AMZ1: variants seen among roughly 807,000 people sequenced by gnomAD.
AMZ1 encodes the protein archaemetzincin-1.
A neutral mutation model predicts 29.9 loss-of-function variants in AMZ1; 39 were observed. The observed-to-expected ratio is 1.30, with a 90% CI of 1.01 to 1.70. The LOEUF is 1.70. Among genes scored for constraint, AMZ1 ranks in the 40% most tolerant of loss-of-function variants. The pLI is 0.00. For synonymous variants in AMZ1, 458 were observed against 304.0 expected, an observed-to-expected ratio of 1.51 and a Z score of -5.27; for missense variants, 1,041 against 680.6, an observed-to-expected ratio of 1.53 and a Z score of -5.89.
chr7:2,762,862 A>G (rs1051532291), upstream of AMZ1: 4 of 1,460,456 alleles, frequency 2.7e-6, no homozygotes, highest in Admixed American at 2.5e-5. Flanking sequence ...GGAGAGGGCC[A>G]GCTCCGAGCC....
rs1788583817 is a variant in AMZ1, at chr7:2,709,215, A to G, written c.742A>G (p.Ser248Gly). 2 of 1,510,932 alleles carry G rather than the reference A, an allele frequency of 1.3e-6. No individual in the cohort carries two copies. Among genetic ancestry groups the G allele is most frequent in the Non-Finnish European group, 1.8e-6 (2 of 1,131,370 alleles). 93.6% of individuals were successfully genotyped at this position (1,510,932 alleles called of 1,614,324 possible). ...GGACAGGGGCTGGGCCCTGTGCTTC[A>G]GTGCCCTGGGGATGGTTCAGTGCTG... ...LQDRGWALCF[S>G]ALGMVQCCKV... The change falls in exon 5 of 7, where the codon AGT (serine) becomes GGT (glycine). Residue 248 changes from serine (S) to glycine (G), a missense_variant. Physicochemically the swap from Ser to Gly is moderately conservative, Grantham distance 56. Transcript: ENST00000683327.
rs1163513071 is a variant in AMZ1 at position 2,712,386 on chromosome 7, G to A, written c.1005G>A (p.Gly335=). ...VVGTWPSQEA[G]EPSVWEDTPP... is the part of the protein sequence containing the mutation. ...GGACGTGGCCCAGCCAGGAGGCGGG[G>A]GAGCCGTCAGTGTGGGAGGACACCC... The change falls in exon 7 of 7, where the codon GGG becomes GGA. Residue 335 remains glycine, a synonymous_variant. Transcript: ENST00000683327. 8 of 1,609,314 alleles carry A rather than the reference G, an allele frequency of 5.0e-6. No individual in the cohort carries two copies. Among genetic ancestry groups the A allele is most frequent in the Non-Finnish European group, 6.8e-6 (8 of 1,178,166 alleles).
intron 4 of AMZ1, among the ~76,000 whole-genome samples, chr7:2,732,292 C>G (rs911059858): frequency 2.6e-5 from 4 of 152,130 alleles, no homozygotes; most frequent in African/African-American, 9.7e-5. Flanking sequence ...TGGCTCACAC[C>G]TATAATCCTG....
In AMZ1 at chr7:2,710,176, TG is replaced by T. The variant is rs570299993; in HGVS notation, c.948+363del. Among the ~76,000 whole-genome samples, 188 of 151,146 alleles carry T rather than the reference TG, an allele frequency of 1.2e-3. 1 individual carries two copies. Among genetic ancestry groups the T allele is most frequent in the Admixed American group, 0.011 (170 of 15,260 alleles). On this transcript the variant is annotated intron_variant, in intron 6 of 6. Coordinates refer to ENST00000683327, the MANE Select transcript of AMZ1 (RefSeq NM_001384743.1). Reference sequence around the variant, plus strand: ...TCTTTGCTTTCCCGTCACCCACACTTGGGTCACTGCTGCTCAGAGGAGGCAC... The same window carrying T: ...TCTTTGCTTTCCCGTCACCCACACTTGGTCACTGCTGCTCAGAGGAGGCAC...
chr7:2,700,109 C>G, intron 1 of AMZ1, 125 bp from the exon 2 acceptor site: 1 of 308,354 alleles, frequency 3.2e-6, no homozygotes, highest in Admixed American at 4.4e-5. Context: ...CCAGGGCTCC[C>G]TCTGACACCC....
At chr7:2,727,680 C>T (rs1179326460) in intron 4 of AMZ1, among the ~76,000 whole-genome samples, 2 of 152,110 alleles carry the variant, frequency 1.3e-5, no homozygotes, top group Non-Finnish European at 2.9e-5. Context: ...CAATGGTTCT[C>T]CTACATGCCA....
chr7:2,731,862 G>T lies in AMZ1; in HGVS notation n.550+22046G>T. The T allele has an allele frequency of 1.7e-6, 1 of 582,182 alleles. No homozygotes were observed. Among genetic ancestry groups the T allele is most frequent in the Non-Finnish European group, 2.9e-6 (1 of 349,886 alleles). The allele number at this position is 582,182 out of a possible 1,614,324, so 36.1% of individuals were successfully genotyped here. A position where few individuals can be genotyped will look rare whatever the true frequency, so the allele number is the denominator to read the frequency against. On this transcript the variant is annotated intron_variant and non_coding_transcript_variant, in intron 4 of 4. Transcript: ENST00000489665. The surrounding 1 kb of genome is among the most constrained non-coding windows in gnomAD (Gnocchi z 6.0). ...AGGAAAGAGACTGACTTTTGCAACAGGTTGAACCAGAAACCAAAAGCAAAT... is the reference window on the plus strand; with the variant it reads ...AGGAAAGAGACTGACTTTTGCAACATGTTGAACCAGAAACCAAAAGCAAAT...
At chr7:2,727,350 G>C (rs969741507) in intron 4 of AMZ1, among the ~76,000 whole-genome samples, 1 of 152,124 alleles carries the variant, frequency 6.6e-6, no homozygotes. Flanking sequence ...AAAGTGCTGG[G>C]ATTACAGGCA....
chr7:2,758,181 A>G (rs1361146054), intron 4 of AMZ1, among the ~76,000 whole-genome samples: 1 of 152,180 alleles, frequency 6.6e-6, no homozygotes, highest in African/African-American at 2.4e-5. Context: ...ACATCTCCCC[A>G]ACTATCGATG....
upstream of AMZ1, among the ~76,000 whole-genome samples, chr7:2,760,887 A>G (rs798491): frequency 0.24 from 36,698 of 152,062 alleles, 5,130 homozygotes; most frequent in Non-Finnish European, 0.29. Context: ...CCTCACAGCA[A>G]TGTGGCTTCT....
chr7:2,732,645 G>A (rs908870384), intron 4 of AMZ1, among the ~76,000 whole-genome samples: 16 of 152,142 alleles, frequency 1.1e-4, no homozygotes, highest in African/African-American at 3.1e-4. Flanking sequence ...CACCAAACAC[G>A]GACATGATCA....
Position 2,716,395 on chromosome 7 carries a change from G to C in AMZ1, c.*3517G>C, listed in dbSNP as rs1020268639. 6.6e-6 allele frequency: 1 copy of C among 152,270 alleles called. No homozygotes were observed. Among genetic ancestry groups the C allele is most frequent in the African/African-American group, 2.4e-5 (1 of 41,460 alleles). The allele number at this position is 152,270 out of a possible 1,614,324, so 9.4% of individuals were successfully genotyped here. ...GTGAACCCTGAGGGCACGGGACAGTGAGTGGAGCTCTGCCACCACCCGTTT... is the reference window on the plus strand; with the variant it reads ...GTGAACCCTGAGGGCACGGGACAGTCAGTGGAGCTCTGCCACCACCCGTTT... On this transcript the variant is annotated 3_prime_UTR_variant, in exon 7 of 7. Coordinates refer to ENST00000683327, the MANE Select transcript of AMZ1 (RefSeq NM_001384743.1).
At position 2,748,988 on chromosome 7, in the gene AMZ1, G is replaced by A. The variant is rs547139198; in HGVS notation, n.551-15724G>A. Among the ~76,000 whole-genome samples, 1,427 of 152,234 alleles carry A rather than the reference G, an allele frequency of 9.4e-3. 13 individuals are homozygous for A. Among genetic ancestry groups the A allele is most frequent in the Middle Eastern group, 0.075 (22 of 294 alleles). On this transcript the variant is annotated intron_variant and non_coding_transcript_variant, in intron 4 of 4. Coordinates refer to the AMZ1 transcript ENST00000489665. Reference sequence around the variant, plus strand: ...GCCATTTCACACCAGTTAGAATGGTGATCATTAAAAAGTCAGGAAACAACA... The same window carrying A: ...GCCATTTCACACCAGTTAGAATGGTAATCATTAAAAAGTCAGGAAACAACA...
In AMZ1 at chr7:2,753,278, C is replaced by T. The variant is rs988935857; in HGVS notation, n.551-11434C>T. Among the ~76,000 whole-genome samples the T allele has an allele frequency of 3.9e-5, 6 of 152,250 alleles. No homozygotes were observed. In the East Asian group the frequency reaches 1.2e-3, roughly 29 times the overall value. On this transcript the variant is annotated intron_variant and non_coding_transcript_variant, in intron 4 of 4. Coordinates refer to the AMZ1 transcript ENST00000489665. ...AAATGATCCTCCTGCCTCAGCCTCC[C>T]AAGTAGCTGGGACTATAGGTGCATG...
intron 2 of AMZ1, 114 bp from the exon 3 acceptor site, chr7:2,702,607 TA>T: frequency 8.3e-7 from 1 of 1,206,718 alleles, no homozygotes. Flanking sequence ...GCTGTCAGGG[TA>T]GGTCCACATT....
chr7:2,763,190 CA>C, upstream of AMZ1: 2 of 307,848 alleles, frequency 6.5e-6, no homozygotes, highest in East Asian at 1.0e-4. Flanking sequence ...CAAGACACCC[CA>C]ACACACACAC....
intron 4 of AMZ1, among the ~76,000 whole-genome samples, chr7:2,734,235 C>T (rs112489775): frequency 5.3e-5 from 8 of 152,234 alleles, no homozygotes; most frequent in African/African-American, 1.7e-4. Flanking sequence ...CGGGAGGAGC[C>T]GGGAGAGCGC....
rs769751094 is a variant in AMZ1 at position 2,709,123 on chromosome 7, C to G, written c.650C>G (p.Ser217Trp). Residue 217 changes from serine (S) to tryptophan (W), a missense_variant, in exon 5 of 7, where the codon TCG becomes TGG. Ser to Trp is a radical substitution (Grantham distance 177). Transcript: ENST00000683327. ...FARFSGEFPK[S>W]GPSAPDLALV... ...CGGTTCTCAGGGGAATTCCCGAAGT[C>G]GGGGCCCAGCGCCCCTGATCTGGCC... 2.5e-6 allele frequency: 4 copies of G among 1,600,174 alleles called. No individual in the cohort carries two copies. The East Asian group carries it at 6.8e-5, about 27-fold the overall frequency.
At chr7:2,696,478 CG>C (rs1321674358) in intron 1 of AMZ1, among the ~76,000 whole-genome samples, 2 of 149,840 alleles carry the variant, frequency 1.3e-5, no homozygotes, top group Non-Finnish European at 3.0e-5. Flanking sequence ...AGGATGGTCT[CG>C]ATCTCCTGAC....
Sources: allele counts gnomAD v4.1 joint callset (sites outside exome capture counted in the v4.1 genomes callset), GRCh38; gene constraint gnomAD v4.1.1; non-coding constraint Gnocchi (gnomAD v3.1); transcripts MANE v1.5; gene names NCBI Gene and HGNC (gene_info 2026-07-23, HGNC 2026-07-21).